Variants in UNC5C observed in about 807,000 individuals in gnomAD.
UNC5C encodes unc-5 netrin receptor C.
A neutral mutation model predicts 99.8 loss-of-function variants in UNC5C; 47 were observed. The observed-to-expected ratio is 0.47, with a 90% CI of 0.37 to 0.60. The LOEUF is 0.60. UNC5C is among the 20% of genes least tolerant of loss of function. The pLI is 0.00. For missense variants in UNC5C, 1,062 were observed against 1,165.9 expected (o/e 0.91, Z 1.30); for synonymous variants, 487 against 452.2 (o/e 1.08, Z -0.98).
At chr4:95,442,630 A>C (rs930540202) in intron 1 of UNC5C, among the ~76,000 whole-genome samples, 6 of 152,060 alleles carry the variant, frequency 3.9e-5, no homozygotes, top group Admixed American at 1.3e-4. Context: ...ATTTTTAACA[A>C]TATATATTCT....
intron 1 of UNC5C, among the ~76,000 whole-genome samples, chr4:95,338,990 T>C (rs186102494): frequency 5.3e-5 from 8 of 152,182 alleles, no homozygotes; most frequent in Admixed American, 3.9e-4. Context: ...AGAGGTCACA[T>C]ACCCGTGAAA....
chr4:95,488,718 G>A (rs1721396262), intron 1 of UNC5C, among the ~76,000 whole-genome samples: 1 of 151,566 alleles, frequency 6.6e-6, no homozygotes, highest in Admixed American at 6.6e-5. Flanking sequence ...GTTAACTGCC[G>A]TAATGTGCTG....
chr4:95,408,248 C>G (rs911101417), intron 1 of UNC5C, among the ~76,000 whole-genome samples: 1 of 152,110 alleles, frequency 6.6e-6, no homozygotes, highest in African/African-American at 2.4e-5. Context: ...AATATCTAAT[C>G]TACTATGTGC....
In UNC5C at chr4:95,218,828, T is replaced by C. The variant is rs553365581; in HGVS notation, c.1645+141A>G. Reference sequence around the variant, plus strand: ...GATTTGTCTGAAGTAATGTTCTGTTTACATTGAAAGTAGATTTGGGCTGGA... The same window carrying C: ...GATTTGTCTGAAGTAATGTTCTGTTCACATTGAAAGTAGATTTGGGCTGGA... On this transcript the variant is annotated intron_variant, in intron 9 of 15. Transcript: ENST00000453304. The C allele has an allele frequency of 1.2e-4, 96 of 771,468 alleles. No individual in the cohort carries two copies. The South Asian group carries it at 1.4e-3, about 12-fold the overall frequency. The allele number at this position is 771,468 out of a possible 1,614,324, so 47.8% of individuals were successfully genotyped here.
chr4:95,424,634 G>A (rs1307681798), intron 1 of UNC5C, among the ~76,000 whole-genome samples: 1 of 146,756 alleles, frequency 6.8e-6, no homozygotes, highest in Non-Finnish European at 1.5e-5. Context: ...CCATTCTCCT[G>A]CCTCAGCCTC....
At chr4:95,492,696 T>C (rs1007205955) in intron 1 of UNC5C, among the ~76,000 whole-genome samples, 2 of 151,512 alleles carry the variant, frequency 1.3e-5, no homozygotes, top group Non-Finnish European at 3.0e-5. Context: ...AAGTTACTAA[T>C]GGAGAGGCCT....
chr4:95,467,985 G>T (rs569385389), intron 1 of UNC5C, among the ~76,000 whole-genome samples: 1 of 152,090 alleles, frequency 6.6e-6, no homozygotes, highest in Non-Finnish European at 1.5e-5. Flanking sequence ...TCTTCATGTG[G>T]CTGAGGAGCA....
chr4:95,491,861 T>C (rs889272475), intron 1 of UNC5C, among the ~76,000 whole-genome samples: 1 of 151,628 alleles, frequency 6.6e-6, no homozygotes, highest in African/African-American at 2.4e-5. Context: ...TATCAATATG[T>C]GTCCAAACTC....
intron 1 of UNC5C, among the ~76,000 whole-genome samples, chr4:95,457,429 G>T (rs1747471442): frequency 6.6e-6 from 1 of 151,926 alleles, no homozygotes; most frequent in Admixed American, 6.6e-5. Context: ...TGCTTTCAAA[G>T]AATTGTGGTA....
intron 1 of UNC5C, among the ~76,000 whole-genome samples, chr4:95,420,032 C>T (rs1438060434): frequency 6.6e-6 from 1 of 152,074 alleles, no homozygotes; most frequent in Non-Finnish European, 1.5e-5. Flanking sequence ...ATGACATTAT[C>T]AACATTTCCT....
At chr4:95,525,596 TAAAAAAAA>T (rs574532435) in intron 1 of UNC5C, among the ~76,000 whole-genome samples, 13 of 102,162 alleles carry the variant, frequency 1.3e-4, no homozygotes, top group African/African-American at 5.1e-4. Context: ...GCCTATTTCT[TAAAAAAAA>T]AAAAAAAAAA....
chr4:95,337,041 A>G (rs1226568190), intron 1 of UNC5C, among the ~76,000 whole-genome samples: 1 of 151,958 alleles, frequency 6.6e-6, no homozygotes, highest in African/African-American at 2.4e-5. Flanking sequence ...CTATTGACAA[A>G]TCCATCAGCA....
intron 1 of UNC5C, among the ~76,000 whole-genome samples, chr4:95,377,562 C>T (rs1744934125): frequency 6.6e-6 from 1 of 152,178 alleles, no homozygotes; most frequent in South Asian, 2.1e-4. Flanking sequence ...CTGATTAATT[C>T]ATTGGCAAGT....
At chr4:95,456,019 G>T (rs139646030) in intron 1 of UNC5C, among the ~76,000 whole-genome samples, 247 of 152,208 alleles carry the variant, frequency 1.6e-3, no homozygotes, top group Admixed American at 2.7e-3. Context: ...CCAAAGAAAT[G>T]ACTGCTACCC....
At chr4:95,372,316 T>C (rs1477522603) in intron 1 of UNC5C, among the ~76,000 whole-genome samples, 2 of 152,228 alleles carry the variant, frequency 1.3e-5, no homozygotes, top group Admixed American at 1.3e-4. Flanking sequence ...TTACCTAAAG[T>C]AAATTGCTTA....
intron 12 of UNC5C, among the ~76,000 whole-genome samples, chr4:95,185,695 A>G (rs544838327): frequency 1.4e-4 from 21 of 152,220 alleles, no homozygotes; most frequent in Non-Finnish European, 2.4e-4. Context: ...TGTTTTAGAC[A>G]TTTAGTTCAA....
Position 95,530,596 on chromosome 4 carries a change from G to A in UNC5C, c.124+18138C>T, listed in dbSNP as rs79350003. On this transcript the variant is annotated intron_variant, in intron 1 of 15. Coordinates refer to ENST00000453304, the MANE Select transcript of UNC5C (RefSeq NM_003728.4). ...AACCACAGTAGTGCATAGCTTGAGA[G>A]AAATATTGAAGTATATTGCACTATC... Among the ~76,000 whole-genome samples, 178 of 152,298 alleles carry A rather than the reference G, an allele frequency of 1.2e-3. No individual in the cohort carries two copies. In the East Asian group the frequency reaches 0.032, roughly 27 times the overall value.
intron 2 of UNC5C, among the ~76,000 whole-genome samples, chr4:95,330,936 T>C (rs1056353562): frequency 6.6e-6 from 1 of 152,086 alleles, no homozygotes; most frequent in African/African-American, 2.4e-5. Context: ...ACTGTACCTA[T>C]TAAGTAATTT....
intron 2 of UNC5C, among the ~76,000 whole-genome samples, chr4:95,308,899 C>T (rs997903468): frequency 2.0e-5 from 3 of 151,608 alleles, no homozygotes; most frequent in Non-Finnish European, 4.4e-5. Context: ...TATCAAAACT[C>T]CAATGACAAT....
Sources: gnomAD v4.1 joint callset for allele counts (sites outside exome capture counted in the v4.1 genomes callset) on GRCh38, gnomAD v4.1.1 for gene constraint, MANE v1.5 for transcripts, NCBI Gene and HGNC (gene_info 2026-07-23, HGNC 2026-07-21) for gene names.